MYO1D: variants seen among roughly 807,000 people sequenced by gnomAD.
MYO1D encodes unconventional myosin-Id.
MYO1D carries 83 observed loss-of-function variants against 122.0 expected under a neutral mutation model. The ratio of observed to expected loss-of-function variants is 0.68; its 90% CI spans 0.57 to 0.82. The LOEUF (loss-of-function observed/expected upper bound fraction) is 0.82, where lower values mean the gene tolerates loss of function less well. Ranked by LOEUF, MYO1D falls within the 40% of genes least tolerant of loss-of-function variation. The pLI, the probability that MYO1D is intolerant of heterozygous loss-of-function variation, is 0.00. For missense variants in MYO1D, 1,157 were observed against 1,269.5 expected (o/e 0.91, Z 1.35); for synonymous variants, 464 against 446.9 (o/e 1.04, Z -0.48).
intron 14 of MYO1D, among the ~76,000 whole-genome samples, chr17:32,730,015 ATATATT>A (rs2089618726): frequency 6.6e-6 from 1 of 152,042 alleles, no homozygotes; most frequent in East Asian, 1.9e-4. Flanking sequence ...GTAATTACTA[ATATATT>A]TATATTTGTT....
chr17:32,822,550 T>C (rs1017672248), intron 1 of MYO1D, among the ~76,000 whole-genome samples: 1 of 149,262 alleles, frequency 6.7e-6, no homozygotes, highest in Admixed American at 6.6e-5. Context: ...CCGGGGCGGC[T>C]CGGGACGGGG....
At chr17:32,627,511 A>G (rs1429148695) in intron 20 of MYO1D, among the ~76,000 whole-genome samples, 1 of 152,212 alleles carries the variant, frequency 6.6e-6, no homozygotes, top group African/African-American at 2.4e-5. Context: ...GTCACGTCAA[A>G]TAGAGCAATA....
chr17:32,743,973 T>C (rs536546345), intron 13 of MYO1D, among the ~76,000 whole-genome samples: 4 of 152,300 alleles, frequency 2.6e-5, no homozygotes, highest in African/African-American at 9.6e-5. Context: ...GCTTGTCCCT[T>C]ACTGTGTGCA....
At chr17:32,617,597 T>C (rs1267667501) in intron 20 of MYO1D, among the ~76,000 whole-genome samples, 2 of 151,998 alleles carry the variant, frequency 1.3e-5, no homozygotes, top group African/African-American at 4.8e-5. Context: ...CCCGCCACCA[T>C]GCCCGGGTAA....
chr17:32,686,169 A>C (rs2089003577), intron 16 of MYO1D: 1 of 152,252 alleles, frequency 6.6e-6, no homozygotes, highest in South Asian at 2.1e-4. Flanking sequence ...AAAACTTTGC[A>C]TATATGATTA....
intron 8 of MYO1D, among the ~76,000 whole-genome samples, chr17:32,761,122 T>C (rs2089996639): frequency 2.0e-5 from 3 of 152,178 alleles, no homozygotes; most frequent in Admixed American, 2.0e-4. Flanking sequence ...ACACATCCAA[T>C]GCACAAGAAC....
intron 14 of MYO1D, among the ~76,000 whole-genome samples, chr17:32,734,408 CT>C (rs2089672989): frequency 6.6e-6 from 1 of 151,916 alleles, no homozygotes. Flanking sequence ...TTATTGATTA[CT>C]TTTTTGTTCC....
intron 21 of MYO1D, among the ~76,000 whole-genome samples, chr17:32,540,989 C>T (rs956126831): frequency 1.4e-4 from 21 of 150,704 alleles, no homozygotes; most frequent in East Asian, 5.8e-4. Context: ...AAGCTTCATA[C>T]GCTGCTGGTA....
At chr17:32,597,019 T>C (rs2087499988) in intron 21 of MYO1D, among the ~76,000 whole-genome samples, 1 of 152,220 alleles carries the variant, frequency 6.6e-6, no homozygotes, top group Non-Finnish European at 1.5e-5. Context: ...GCTAATGTGA[T>C]ATATACAACA....
intron 16 of MYO1D, among the ~76,000 whole-genome samples, chr17:32,666,281 G>A (rs1052113478): frequency 2.6e-5 from 4 of 152,146 alleles, no homozygotes; most frequent in African/African-American, 9.7e-5. Flanking sequence ...TGTCTTGCCT[G>A]TTTGCCTTGT....
At chr17:32,637,770 G>A (rs915265409) in intron 20 of MYO1D, among the ~76,000 whole-genome samples, 1 of 152,118 alleles carries the variant, frequency 6.6e-6, no homozygotes, top group African/African-American at 2.4e-5. Flanking sequence ...TGTGTGTGAG[G>A]GGGTTGGGTG....
chr17:32,794,301 T>C (rs1293187237), intron 1 of MYO1D: 1 of 152,156 alleles, frequency 6.6e-6, no homozygotes, highest in Non-Finnish European at 1.5e-5. Context: ...TCATTTGAGC[T>C]GCACAAATGG....
rs2091102277 is a variant in MYO1D, at chr17:32,864,029, T to C, written c.95+12749A>G. 2.3e-5 allele frequency among the ~76,000 whole-genome samples: 3 copies of C among 132,280 alleles called. No individual in the cohort carries two copies. The Admixed American group carries it at 2.4e-4, about 10-fold the overall frequency. The allele number at this position is 132,280 out of a possible 152,430, so 86.8% of individuals were successfully genotyped here. A position where few individuals can be genotyped will look rare whatever the true frequency, so the allele number is the denominator to read the frequency against. Reference sequence around the variant, plus strand: ...TTCCTTTTTTTTTTTTTTTTTTTTTTTTTTTTTTTTTTTTTGGTGTTTGCA... The same window carrying C: ...TTCCTTTTTTTTTTTTTTTTTTTTTCTTTTTTTTTTTTTTTGGTGTTTGCA... On this transcript the variant is annotated intron_variant, in intron 1 of 21. Transcript: ENST00000318217.
intron 16 of MYO1D, among the ~76,000 whole-genome samples, chr17:32,674,177 C>T (rs539877782): frequency 1.3e-5 from 2 of 152,218 alleles, no homozygotes; most frequent in East Asian, 1.9e-4. Flanking sequence ...GGAGTGGAAA[C>T]GGCCCTACTT....
At chr17:32,640,036 TTA>T (rs2088173606) in intron 19 of MYO1D, among the ~76,000 whole-genome samples, 1 of 152,180 alleles carries the variant, frequency 6.6e-6, no homozygotes, top group African/African-American at 2.4e-5. Context: ...AATTTAAATT[TTA>T]GTTTGAATTT....
chr17:32,776,456 G>A (rs1394248035), intron 3 of MYO1D, among the ~76,000 whole-genome samples: 1 of 152,212 alleles, frequency 6.6e-6, no homozygotes, highest in Non-Finnish European at 1.5e-5. Flanking sequence ...ATCTAGACAG[G>A]AGACTGATGG....
Position 32,789,839 on chromosome 17 carries a change from C to T in MYO1D, c.96-9055G>A, listed in dbSNP as rs1377785494. Among the ~76,000 whole-genome samples, 5 of 152,232 alleles carry T rather than the reference C, an allele frequency of 3.3e-5. No individual in the cohort carries two copies. In the East Asian group the frequency reaches 5.8e-4, roughly 18 times the overall value. ...AGTCCAGGAAGGGTATCTCCCTTGA[C>T]GGTTTTGGGGGGTATTGCTCTGCTG... On this transcript the variant is annotated intron_variant, in intron 1 of 21. Coordinates refer to ENST00000318217, the MANE Select transcript of MYO1D (RefSeq NM_015194.3).
intron 1 of MYO1D, among the ~76,000 whole-genome samples, chr17:32,866,711 T>G (rs1278351081): frequency 6.6e-6 from 1 of 152,130 alleles, no homozygotes; most frequent in East Asian, 1.9e-4. Flanking sequence ...ATGAAAGAAG[T>G]GCAGACAATG....
intron 20 of MYO1D, among the ~76,000 whole-genome samples, chr17:32,613,097 A>C (rs1470348405): frequency 6.6e-6 from 1 of 152,180 alleles, no homozygotes; most frequent in African/African-American, 2.4e-5. Flanking sequence ...GGAAAATATA[A>C]ATTAGTAAAA....
Sources: gnomAD v4.1 joint callset for allele counts (sites outside exome capture counted in the v4.1 genomes callset) on GRCh38, gnomAD v4.1.1 for gene constraint, MANE v1.5 for transcripts, NCBI Gene and HGNC (gene_info 2026-07-23, HGNC 2026-07-21) for gene names.